The following COMMD10 variants were observed in gnomAD, a reference collection of about 807,000 sequenced individuals.
COMMD10 encodes COMM domain-containing protein 10.
A neutral mutation model predicts 28.9 loss-of-function variants in COMMD10; 33 were observed. The ratio of observed to expected loss-of-function variants is 1.14; its 90% confidence interval spans 0.87 to 1.53. The LOEUF (loss-of-function observed/expected upper bound fraction) is 1.53. Among genes scored for constraint, COMMD10 ranks in the 40% most tolerant of loss-of-function variants. COMMD10 has a pLI of 0.00. For missense variants in COMMD10, 310 were observed against 233.4 expected (o/e 1.33, Z -2.14); for synonymous variants, 110 against 81.7 (o/e 1.35, Z -1.87).
At chr5:116,134,708 C>G (rs1341514718) in intron 5 of COMMD10, among the ~76,000 whole-genome samples, 1 of 152,158 alleles carries the variant, frequency 6.6e-6, no homozygotes, top group Non-Finnish European at 1.5e-5. Flanking sequence ...GCAGGCTCCG[C>G]CCCCTGGGGT....
chr5:116,215,472 A>T (rs985300938), intron 5 of COMMD10, among the ~76,000 whole-genome samples: 2 of 151,658 alleles, frequency 1.3e-5, no homozygotes, highest in African/African-American at 2.4e-5. Context: ...GTGGATCATG[A>T]GGCCAGGAGA....
chr5:116,154,837 T>A (rs13357632), intron 5 of COMMD10, among the ~76,000 whole-genome samples: 1,545 of 152,172 alleles, frequency 0.01, 31 homozygotes, highest in African/African-American at 0.035. Flanking sequence ...AGGGATGGAA[T>A]TTAGGGTCTC....
At chr5:116,118,661 G>A (rs181488594) in intron 4 of COMMD10, among the ~76,000 whole-genome samples, 3 of 151,814 alleles carry the variant, frequency 2.0e-5, no homozygotes, top group East Asian at 3.9e-4. Context: ...TTTTGCTAGA[G>A]TACTAGATTC....
At chr5:116,104,001 G>C (rs776687515) in intron 4 of COMMD10, among the ~76,000 whole-genome samples, 21 of 152,116 alleles carry the variant, frequency 1.4e-4, no homozygotes, top group African/African-American at 4.8e-4. Context: ...ATGTTCCATT[G>C]GTCTATATGT....
At chr5:116,217,438 A>G (rs562483953) in intron 5 of COMMD10, among the ~76,000 whole-genome samples, 12 of 152,224 alleles carry the variant, frequency 7.9e-5, no homozygotes, top group Non-Finnish European at 1.0e-4. Flanking sequence ...CACATTTAGC[A>G]TGTTGTTTAA....
chr5:116,236,192 A>G (rs907942226), intron 5 of COMMD10, among the ~76,000 whole-genome samples: 10 of 152,098 alleles, frequency 6.6e-5, no homozygotes, highest in African/African-American at 2.2e-4. Context: ...AGACAATGGA[A>G]TATTATTCAG....
intron 5 of COMMD10, among the ~76,000 whole-genome samples, chr5:116,143,332 A>G (rs1345606234): frequency 1.3e-5 from 2 of 151,770 alleles, no homozygotes; most frequent in Non-Finnish European, 3.0e-5. Flanking sequence ...GTGAAAATAC[A>G]CAATATTAAT....
chr5:116,085,995 C>T (rs1158592696), intron 1 of COMMD10, among the ~76,000 whole-genome samples: 2 of 152,196 alleles, frequency 1.3e-5, no homozygotes, highest in Admixed American at 1.3e-4. Flanking sequence ...ATGAAGAAGA[C>T]ATTTATTGAA....
intron 4 of COMMD10, among the ~76,000 whole-genome samples, chr5:116,095,178 AC>A (rs948094808): frequency 6.6e-6 from 1 of 152,228 alleles, no homozygotes; most frequent in African/African-American, 2.4e-5. Context: ...AAGGAAGTGA[AC>A]TGTTCTGAAC....
At chr5:116,136,255 T>G (rs966167035) in intron 5 of COMMD10, among the ~76,000 whole-genome samples, 2 of 152,184 alleles carry the variant, frequency 1.3e-5, no homozygotes, top group Non-Finnish European at 2.9e-5. Context: ...AAAGTCCCTT[T>G]TGTTTCTTCT....
chr5:116,171,992 T>G (rs939906185), intron 5 of COMMD10, among the ~76,000 whole-genome samples: 4 of 151,998 alleles, frequency 2.6e-5, no homozygotes, highest in Admixed American at 2.6e-4. Flanking sequence ...ATCTGTCCGT[T>G]GTTTTGTGAA....
chr5:116,208,425 C>T (rs1271701434), intron 5 of COMMD10, among the ~76,000 whole-genome samples: 3 of 152,108 alleles, frequency 2.0e-5, no homozygotes, highest in Non-Finnish European at 2.9e-5. Flanking sequence ...GAAGCAGACA[C>T]GACTCCTTGG....
rs538659486 is a variant in COMMD10, at chr5:116,221,517, C to G, written c.511-70000C>G. Among the ~76,000 whole-genome samples the G allele has an allele frequency of 2.6e-5, 4 of 152,302 alleles. No individual in the cohort carries two copies. The East Asian group carries it at 7.7e-4, about 29-fold the overall frequency. On this transcript the variant is annotated intron_variant, in intron 5 of 6. Coordinates refer to ENST00000274458, the MANE Select transcript of COMMD10 (RefSeq NM_016144.4). ...GGATACTCTTGGCTATGTAGTTACT[C>G]ATGGTTACATTGCTAGTTAGTTACA...
At chr5:116,109,177 TG>T (rs978466409) in intron 4 of COMMD10, among the ~76,000 whole-genome samples, 1 of 152,340 alleles carries the variant, frequency 6.6e-6, no homozygotes, top group Admixed American at 6.5e-5. Context: ...ATAGTTCTTT[TG>T]ACCCATGAGC....
At chr5:116,237,519 A>G (rs1749699989) in intron 5 of COMMD10, among the ~76,000 whole-genome samples, 1 of 152,032 alleles carries the variant, frequency 6.6e-6, no homozygotes, top group African/African-American at 2.4e-5. Flanking sequence ...AACGTTACAG[A>G]AAAAAAATTG....
intron 5 of COMMD10, among the ~76,000 whole-genome samples, chr5:116,140,015 A>G (rs1428059770): frequency 6.6e-6 from 1 of 151,698 alleles, no homozygotes; most frequent in African/African-American, 2.4e-5. Flanking sequence ...CTGCAAGTTT[A>G]TATGCTTTAA....
intron 4 of COMMD10, among the ~76,000 whole-genome samples, chr5:116,103,240 G>A (rs1275715637): frequency 6.6e-6 from 1 of 152,140 alleles, no homozygotes; most frequent in African/African-American, 2.4e-5. Context: ...TTGAGGAATT[G>A]CCACACTGTC....
chr5:116,211,156 G>C (rs1470689378), intron 5 of COMMD10, among the ~76,000 whole-genome samples: 1 of 152,004 alleles, frequency 6.6e-6, no homozygotes, highest in Non-Finnish European at 1.5e-5. Context: ...ATGTTTATGT[G>C]TGTGTTTATG....
intron 5 of COMMD10, among the ~76,000 whole-genome samples, chr5:116,193,727 A>T (rs1748433137): frequency 6.6e-6 from 1 of 152,180 alleles, no homozygotes; most frequent in Non-Finnish European, 1.5e-5. Context: ...ATAGTGGAGG[A>T]CTTCAGTACT....
Sources: allele counts gnomAD v4.1 joint callset (sites outside exome capture counted in the v4.1 genomes callset), GRCh38; gene constraint gnomAD v4.1.1; transcripts MANE v1.5; gene names NCBI Gene and HGNC (gene_info 2026-07-23, HGNC 2026-07-21).